CDK13: variants seen among roughly 807,000 people sequenced by gnomAD.
CDK13 encodes the protein cyclin dependent kinase 13.
In CDK13, 40 loss-of-function variants were observed where a neutral mutation model predicts 137.6. The ratio of observed to expected loss-of-function variants is 0.29; its 90% CI spans 0.23 to 0.38. The LOEUF is 0.38. Ranked by LOEUF, CDK13 falls within the 10% of genes least tolerant of loss-of-function variation. The probability of loss-of-function intolerance (pLI) is 1.00; values close to 1 mark genes in which losing one functional copy is unlikely to be tolerated. For missense variants in CDK13, 1,704 were observed against 1,951.8 expected, an observed-to-expected ratio of 0.87 and a Z score of 2.39; for synonymous variants, 869 against 760.1, an observed-to-expected ratio of 1.14 and a Z score of -2.36.
intron 5 of CDK13, among the ~76,000 whole-genome samples, chr7:40,040,933 C>G (rs1213790384): frequency 1.3e-5 from 2 of 152,040 alleles, no homozygotes; most frequent in Admixed American, 1.3e-4. Flanking sequence ...TCTTAAATCT[C>G]GAATTAAGTG....
At chr7:40,067,667 G>C (rs1786310407) in intron 9 of CDK13, 1 of 152,164 alleles carries the variant, frequency 6.6e-6, no homozygotes, top group African/African-American at 2.4e-5. Flanking sequence ...TAAGATATTA[G>C]GCCGGGAACG....
chr7:40,066,139 C>A (rs192734877), intron 9 of CDK13, among the ~76,000 whole-genome samples: 1 of 152,160 alleles, frequency 6.6e-6, no homozygotes, highest in Admixed American at 6.6e-5. Context: ...CCCAGGAAGT[C>A]GAGACTGCAG....
chr7:39,970,092 C>G (rs898772907), intron 1 of CDK13, among the ~76,000 whole-genome samples: 2 of 151,702 alleles, frequency 1.3e-5, no homozygotes, highest in African/African-American at 4.9e-5. Flanking sequence ...GCAACCTCCG[C>G]CTCCTGGGTT....
intron 5 of CDK13, among the ~76,000 whole-genome samples, chr7:40,013,655 C>T (rs1419318409): frequency 6.6e-6 from 1 of 152,062 alleles, no homozygotes. Flanking sequence ...AGGTTTCTTT[C>T]TAGGGTCATG....
At chr7:40,051,288 C>T (rs1785883073) in intron 7 of CDK13, among the ~76,000 whole-genome samples, 1 of 149,776 alleles carries the variant, frequency 6.7e-6, no homozygotes, top group Non-Finnish European at 1.5e-5. Context: ...GAGAATAATT[C>T]TGATTTCTTC....
chr7:40,053,819 C>T (rs2150521596), intron 7 of CDK13, among the ~76,000 whole-genome samples: 1 of 150,206 alleles, frequency 6.7e-6, no homozygotes, highest in Admixed American at 6.7e-5. Context: ...CGTTTGTGTA[C>T]ATCACTTTAT....
intron 13 of CDK13, among the ~76,000 whole-genome samples, chr7:40,093,908 A>G (rs1362826332): frequency 4.1e-5 from 5 of 121,356 alleles, no homozygotes; most frequent in Admixed American, 8.4e-5. Context: ...CGTGTCACCA[A>G]AAAAAAAAAA....
At position 40,098,162 on chromosome 7, in the gene CDK13, T is replaced by C. The variant is rs901280046; in HGVS notation, c.*3182T>C. On this transcript the variant is annotated 3_prime_UTR_variant, in exon 14 of 14. Transcript: ENST00000181839. Reference sequence around the variant, plus strand: ...AGAGAAATCAAACAACTGGAATAGCTGTTTGATATCACTTAAAAGTGATAA... The same window carrying C: ...AGAGAAATCAAACAACTGGAATAGCCGTTTGATATCACTTAAAAGTGATAA... 1.3e-5 allele frequency: 2 copies of C among 152,066 alleles called. No individual in the cohort carries two copies. The highest frequency in any genetic ancestry group is 2.9e-5 in the Non-Finnish European group (2 of 67,960). The allele number at this position is 152,066 out of a possible 1,614,324, so 9.4% of individuals were successfully genotyped here. A position where few individuals can be genotyped will look rare whatever the true frequency, so the allele number is the denominator to read the frequency against.
chr7:40,056,916 T>A (rs1014387265), intron 7 of CDK13, among the ~76,000 whole-genome samples: 7 of 152,352 alleles, frequency 4.6e-5, no homozygotes, highest in African/African-American at 1.7e-4. Context: ...CAAAAGTTAG[T>A]GGCTTAAAGA....
At chr7:39,992,200 GTA>G (rs1554325753) in intron 2 of CDK13, among the ~76,000 whole-genome samples, 1 of 138,268 alleles carries the variant, frequency 7.2e-6, no homozygotes, top group Admixed American at 7.2e-5. Flanking sequence ...GTGTGTGTGT[GTA>G]TACACTTCTC....
chr7:39,957,066 A>G (rs1260826586), intron 1 of CDK13, among the ~76,000 whole-genome samples: 4 of 151,578 alleles, frequency 2.6e-5, no homozygotes, highest in African/African-American at 9.7e-5. Flanking sequence ...TTGCATTTAA[A>G]ACTCAGCTCA....
intron 1 of CDK13, among the ~76,000 whole-genome samples, chr7:39,970,383 G>A (rs1205682911): frequency 1.3e-5 from 2 of 151,890 alleles, no homozygotes; most frequent in Non-Finnish European, 2.9e-5. Flanking sequence ...TAATGTGCAT[G>A]TTTCTCAGTC....
intron 1 of CDK13, among the ~76,000 whole-genome samples, chr7:39,965,089 A>T (rs1164914110): frequency 6.6e-6 from 1 of 152,196 alleles, no homozygotes; most frequent in African/African-American, 2.4e-5. Context: ...GCTGAAAAGA[A>T]TGTATATTCT....
chr7:40,089,498 C>G (rs558519052), intron 12 of CDK13, among the ~76,000 whole-genome samples: 1 of 151,438 alleles, frequency 6.6e-6, no homozygotes, highest in East Asian at 1.9e-4. Context: ...TAAATTTCTT[C>G]CTTTGACTCA....
Position 39,951,506 on chromosome 7 carries a change from C to A in CDK13, c.865C>A (p.Pro289Thr). The change falls in exon 1 of 14, where the codon CCG becomes ACG. Residue 289 changes from proline to threonine, a missense_variant. By Grantham distance (38) the Pro-to-Thr change is conservative. Around this residue, in one of 5 missense-constraint regions of CDK13, gnomAD observed 1,051 missense variants for 931.0 expected, o/e 1.13. Coordinates refer to ENST00000181839, the MANE Select transcript of CDK13 (RefSeq NM_003718.5). ...CAGCCGGACTAAGTCGTCCAAGGAG[C>A]CGCCTTCGGCCTACAAGGAACCGCC... is the stretch of plus-strand genomic sequence containing the variant. Reference protein sequence around the residue: ...HRSRTKSSKEPPSAYKEPPKA... With the variant: ...HRSRTKSSKETPSAYKEPPKA... 1 of 1,533,288 alleles carries A rather than the reference C, an allele frequency of 6.5e-7. No homozygotes were observed. The highest frequency in any genetic ancestry group is 2.1e-5 in the Admixed American group (1 of 47,880). 95.0% of individuals were successfully genotyped at this position (1,533,288 alleles called of 1,614,324 possible).
rs371764730 is a variant in CDK13, at chr7:39,969,005, TTTTG to T, written c.1211+17177_1211+17180del. 2.9e-3 allele frequency among the ~76,000 whole-genome samples: 440 copies of T among 152,164 alleles called. 2 individuals carry two copies. The highest frequency in any genetic ancestry group is 6.8e-3 in the Middle Eastern group (2 of 292). Reference sequence around the variant, plus strand: ...TTTCAACCTTAGTTCAGGTGGGTTTTTTTGTTTGTTTGTTTGTTTGTTTGTTTTG... The same window carrying T: ...TTTCAACCTTAGTTCAGGTGGGTTTTTTTGTTTGTTTGTTTGTTTGTTTTG... On this transcript the variant is annotated intron_variant, in intron 1 of 13. Transcript: ENST00000181839.
intron 1 of CDK13, 142 bp from the exon 2 acceptor site, chr7:39,987,457 T>C (rs770626702): frequency 1.5e-4 from 109 of 740,156 alleles, no homozygotes; most frequent in Middle Eastern, 1.1e-3. Flanking sequence ...AAGAAATTTT[T>C]ATTTTTCAAA....
At position 40,098,796 on chromosome 7, in the gene CDK13, T is replaced by A. The variant is rs1485930291; in HGVS notation, c.*3816T>A. The A allele has an allele frequency of 6.6e-6, 1 of 152,116 alleles. No individual in the cohort carries two copies. The highest frequency in any genetic ancestry group is 1.9e-4 in the East Asian group (1 of 5,204). The allele number at this position is 152,116 out of a possible 1,614,324, so 9.4% of individuals were successfully genotyped here. On this transcript the variant is annotated 3_prime_UTR_variant, in exon 14 of 14. Coordinates refer to ENST00000181839, the MANE Select transcript of CDK13 (RefSeq NM_003718.5). ...CAGTGATACGGTAAAATAATTAGACTATTGGACTAATGGTTTAACACAAGT... is the reference window on the plus strand; with the variant it reads ...CAGTGATACGGTAAAATAATTAGACAATTGGACTAATGGTTTAACACAAGT...
intron 1 of CDK13, among the ~76,000 whole-genome samples, chr7:39,981,927 G>GACC (rs1290213619): frequency 6.7e-6 from 1 of 150,052 alleles, no homozygotes; most frequent in African/African-American, 2.4e-5. Context: ...AAATAGCTGG[G>GACC]ACCACAGGCG....
Sources: gnomAD v4.1 joint callset for allele counts (sites outside exome capture counted in the v4.1 genomes callset) on GRCh38, gnomAD v4.1.1 for gene constraint, gnomAD v4.1.1 regional missense constraint, MANE v1.5 for transcripts, NCBI Gene and HGNC (gene_info 2026-07-23, HGNC 2026-07-21) for gene names.